CEP162: variants seen among roughly 807,000 people sequenced by gnomAD.
CEP162 encodes the protein centrosomal protein 162.
A neutral mutation model predicts 169.2 loss-of-function variants in CEP162; 141 were observed. The observed-to-expected ratio is 0.83, with a 90% CI of 0.73 to 0.96. CEP162 has a LOEUF of 0.96. Among genes scored for constraint, CEP162 ranks in the 40% least tolerant of loss-of-function variants. The pLI is 0.00. For missense variants in CEP162, 1,600 were observed against 1,587.2 expected, an observed-to-expected ratio of 1.01 and a Z score of -0.14; for synonymous variants, 540 against 526.4, an observed-to-expected ratio of 1.03 and a Z score of -0.35.
chr6:84,169,381 G>A lies in CEP162; in HGVS notation c.2332C>T (p.Pro778Ser), dbSNP rs1198960338. The A allele has an allele frequency of 6.3e-7, 1 of 1,583,034 alleles. No individual in the cohort carries two copies. The highest frequency in any genetic ancestry group is 1.8e-5 in the Admixed American group (1 of 56,654). The change falls in exon 18 of 27, where the codon CCC becomes TCC. Residue 778 changes from proline (P) to serine (S), a missense_variant. Pro to Ser is a moderately conservative substitution (Grantham distance 74). Coordinates refer to ENST00000403245, the MANE Select transcript of CEP162 (RefSeq NM_014895.4). ...FLSQVVEDSE[P>S]TRNQNFTDLL... ...TCTGTAAAATTCTGATTTCTTGTGG[G>A]CTCTGAATCTTCAACTACTTGAGAC...
At chr6:84,214,578 GT>G (rs1206679013) in intron 5 of CEP162, among the ~76,000 whole-genome samples, 3 of 152,150 alleles carry the variant, frequency 2.0e-5, no homozygotes, top group Non-Finnish European at 4.4e-5. Context: ...TTTATCCACT[GT>G]CTATAAAAAA....
rs2099531675 is a variant in CEP162 at position 84,174,726 on chromosome 6, C to A, written c.2025+1G>T. On this transcript the variant is annotated splice_donor_variant, in intron 15 of 26. Coordinates refer to ENST00000403245, the MANE Select transcript of CEP162 (RefSeq NM_014895.4). LOFTEE classifies it high-confidence loss of function. ...AAATACCAGAACAATGTATCTAGTA[C>A]CTTGGCTTGAAGAATATAATTATCT... 7.3e-7 allele frequency: 1 copy of A among 1,371,882 alleles called. No individual in the cohort carries two copies. The highest frequency in any genetic ancestry group is 2.0e-5 in the Admixed American group (1 of 50,294). 85.0% of individuals were successfully genotyped at this position (1,371,882 alleles called of 1,614,324 possible).
At chr6:84,203,576 C>G (rs1375796635) in intron 7 of CEP162, among the ~76,000 whole-genome samples, 1 of 152,114 alleles carries the variant, frequency 6.6e-6, no homozygotes, top group Non-Finnish European at 1.5e-5. Context: ...TCCTAAGTAG[C>G]TGGGACTACA....
intron 21 of CEP162, among the ~76,000 whole-genome samples, chr6:84,157,989 G>C (rs2099523913): frequency 6.6e-6 from 1 of 152,124 alleles, no homozygotes; most frequent in Non-Finnish European, 1.5e-5. Flanking sequence ...TAAAGGACTG[G>C]ATACTTTTCA....
chr6:84,189,848 T>C (rs1201109548), intron 11 of CEP162, among the ~76,000 whole-genome samples: 1 of 152,208 alleles, frequency 6.6e-6, no homozygotes, highest in African/African-American at 2.4e-5. Context: ...CTGGTGGGGA[T>C]GTGGAGAGTC....
intron 11 of CEP162, among the ~76,000 whole-genome samples, chr6:84,192,465 AATTAGCACTACAG>A (rs1183090828): frequency 2.6e-5 from 4 of 152,310 alleles, no homozygotes; most frequent in African/African-American, 9.6e-5. Context: ...TAAAAATACT[AATTAGCACTACAG>A]ATCAATGGAA....
At chr6:84,197,507 T>C (rs2099542633) in intron 9 of CEP162, among the ~76,000 whole-genome samples, 1 of 152,094 alleles carries the variant, frequency 6.6e-6, no homozygotes, top group Admixed American at 6.6e-5. Context: ...AAAGCTCCCA[T>C]ATTTTTCAAC....
In CEP162 at chr6:84,152,814, T is replaced by C; in HGVS notation, c.3360A>G (p.Ser1120=). ...CCTCTCTGCCCTTTGAGTTCTGATTTGATAGCATCATTCTTCTGTCTTTCT... is the reference window on the plus strand; with the variant it reads ...CCTCTCTGCCCTTTGAGTTCTGATTCGATAGCATCATTCTTCTGTCTTTCT... ...RLQKDRRMML[S]NQNSKGREEM... is the part of the protein sequence containing the mutation. Residue 1120 remains serine, a synonymous_variant, in exon 23 of 27, where the codon TCA becomes TCG. Transcript: ENST00000403245. 1.2e-6 allele frequency: 2 copies of C among 1,613,668 alleles called. No homozygotes were observed. Among genetic ancestry groups the C allele is most frequent in the South Asian group, 1.1e-5 (1 of 91,076 alleles).
chr6:84,216,478 T>A (rs2099551581), intron 3 of CEP162, among the ~76,000 whole-genome samples: 1 of 152,190 alleles, frequency 6.6e-6, no homozygotes, highest in African/African-American at 2.4e-5. Context: ...AATCAGTGGC[T>A]CACTGCAGGA....
chr6:84,186,595 T>G lies in CEP162; in HGVS notation c.1138A>C (p.Thr380Pro). 1 of 1,604,994 alleles carries G rather than the reference T, an allele frequency of 6.2e-7. No individual in the cohort carries two copies. Among genetic ancestry groups the G allele is most frequent in the Non-Finnish European group, 8.5e-7 (1 of 1,175,976 alleles). Residue 380 changes from threonine (T) to proline (P), a missense_variant, in exon 12 of 27, where the codon ACT (threonine) becomes CCT (proline). Physicochemically the swap from Thr to Pro is conservative, Grantham distance 38. Coordinates refer to ENST00000403245, the MANE Select transcript of CEP162 (RefSeq NM_014895.4). ...AGGGGTAAAGAGCTAAAAAATTCAGTTTCTTTTCTTTCGGCCACTTTCTCA... is the reference window on the plus strand; with the variant it reads ...AGGGGTAAAGAGCTAAAAAATTCAGGTTCTTTTCTTTCGGCCACTTTCTCA... ...SSEKVAERKE[T>P]EFFSSLPLKM...
chr6:84,225,673 G>GATT (rs2099555429), intron 2 of CEP162, among the ~76,000 whole-genome samples: 1 of 150,554 alleles, frequency 6.6e-6, no homozygotes, highest in Non-Finnish European at 1.5e-5. Flanking sequence ...TTCTTATAAT[G>GATT]GGAAGCAGAA....
At position 84,212,334 on chromosome 6, in the gene CEP162, TAAC is replaced by T. The variant is rs1398160503; in HGVS notation, c.571+620_571+622del. On this transcript the variant is annotated intron_variant, in intron 6 of 26. Transcript: ENST00000403245. ...ACTTTTAAATGATAATTGATTGCTT[TAAC>T]AACAATAATAATAATGCACTGTGGT... Among the ~76,000 whole-genome samples, 7 of 152,318 alleles carry T rather than the reference TAAC, an allele frequency of 4.6e-5. 2 individuals are homozygous for T. In the South Asian group the frequency reaches 1.4e-3, roughly 32 times the overall value.
chr6:84,180,699 T>G (rs1258308803), intron 13 of CEP162, among the ~76,000 whole-genome samples: 4 of 151,684 alleles, frequency 2.6e-5, no homozygotes, highest in Non-Finnish European at 5.9e-5. Context: ...TATACACCAA[T>G]AACAGACAAA....
At chr6:84,187,795 AAG>A (rs1360892729) in intron 11 of CEP162, among the ~76,000 whole-genome samples, 2 of 152,200 alleles carry the variant, frequency 1.3e-5, no homozygotes, top group Admixed American at 1.3e-4. Context: ...ATGGAGAACT[AAG>A]AGAAATGACT....
Position 84,153,042 on chromosome 6 carries a change from G to A in CEP162, c.3132C>T (p.Asn1044=). The A allele has an allele frequency of 6.2e-7, 1 of 1,613,424 alleles. No homozygotes were observed. Among genetic ancestry groups the A allele is most frequent in the East Asian group, 2.2e-5 (1 of 44,856 alleles). The change falls in exon 23 of 27, where the codon AAC becomes AAT. Residue 1044 remains asparagine, a synonymous_variant. Transcript: ENST00000403245. ...IKEAHQITVR[N]LEAEIDVLKH... ...TAAGAACGTCTATTTCGGCTTCAAG[G>A]TTTCTTACAGTGATCTGATGGGCTT...
intron 10 of CEP162, among the ~76,000 whole-genome samples, chr6:84,194,109 C>T (rs2127724154): frequency 6.6e-6 from 1 of 152,242 alleles, no homozygotes; most frequent in Middle Eastern, 3.4e-3. Flanking sequence ...AATCTCAGCA[C>T]TTTGGGAGGC....
chr6:84,137,312 A>G (rs1273344007), intron 25 of CEP162, among the ~76,000 whole-genome samples: 1 of 152,184 alleles, frequency 6.6e-6, no homozygotes, highest in Non-Finnish European at 1.5e-5. Flanking sequence ...TGAACATGCT[A>G]GCGAGCCTTA....
chr6:84,155,689 G>A, intron 21 of CEP162, 179 bp from the exon 22 acceptor site: 1 of 565,242 alleles, frequency 1.8e-6, no homozygotes, highest in Non-Finnish European at 3.1e-6. Context: ...GAAGGTGAAG[G>A]ATGTTTGCCA....
chr6:84,163,235 T>A lies in CEP162; in HGVS notation c.2421A>T (p.Arg807Ser). ...EKDSLLEDIK[R>S]LKQDKQALEV... ...CAAGAGCTTGTTTGTCTTGTTTCAG[T>A]CTTTTGATGTCTTCCAATAAACTGT... Residue 807 changes from arginine to serine, a missense_variant, in exon 19 of 27, where the codon AGA (arginine) becomes AGT (serine). Transcript: ENST00000403245. 6.2e-7 allele frequency: 1 copy of A among 1,610,604 alleles called. No homozygotes were observed. Among genetic ancestry groups the A allele is most frequent in the Non-Finnish European group, 8.5e-7 (1 of 1,177,218 alleles).
Sources: allele counts gnomAD v4.1 joint callset (sites outside exome capture counted in the v4.1 genomes callset), GRCh38; gene constraint gnomAD v4.1.1; transcripts MANE v1.5; gene names NCBI Gene and HGNC (gene_info 2026-07-23, HGNC 2026-07-21).